The following TMTC1 variants were observed in gnomAD, a reference collection of about 807,000 sequenced individuals.
The protein encoded by TMTC1 is protein O-mannosyl-transferase TMTC1.
TMTC1 carries 73 observed loss-of-function variants against 104.8 expected under a neutral mutation model. The observed-to-expected ratio is 0.70, with a 90% CI of 0.58 to 0.85. The LOEUF (loss-of-function observed/expected upper bound fraction) is 0.85, where lower values mean the gene tolerates loss of function less well. Ranked by LOEUF, TMTC1 falls within the 40% of genes least tolerant of loss-of-function variation. TMTC1 has a pLI of 0.00. For synonymous variants in TMTC1, 434 were observed against 428.7 expected (o/e 1.01, Z -0.15); for missense variants, 1,035 against 1,096.1 (o/e 0.94, Z 0.79).
chr12:29,514,950 C>G (rs1003463928), intron 15 of TMTC1, among the ~76,000 whole-genome samples: 2 of 151,874 alleles, frequency 1.3e-5, no homozygotes, highest in Non-Finnish European at 2.9e-5. Context: ...GGGAGGTGGA[C>G]CTTGTAGTGA....
At chr12:29,685,187 A>C (rs987270647) in intron 5 of TMTC1, among the ~76,000 whole-genome samples, 2 of 152,110 alleles carry the variant, frequency 1.3e-5, no homozygotes, top group Admixed American at 1.3e-4. Flanking sequence ...CAGCAGCAAA[A>C]TAAATTAACC....
intron 8 of TMTC1, among the ~76,000 whole-genome samples, chr12:29,578,676 T>G (rs1459366894): frequency 6.6e-6 from 1 of 152,178 alleles, no homozygotes; most frequent in Non-Finnish European, 1.5e-5. Context: ...AAAAGCTACT[T>G]TAATCAGGTG....
rs538695173 is a variant in TMTC1 at position 29,506,020 on chromosome 12, AT to A, written c.*825del. ...TTTAATTTTTTATGTAGAATATACT[AT>A]TTTTTTCTCCACCAAAATAACAATA... On this transcript the variant is annotated 3_prime_UTR_variant, in exon 18 of 18. Transcript: ENST00000539277. The A allele has an allele frequency of 5.9e-5, 9 of 152,144 alleles. No individual in the cohort carries two copies. The highest frequency in any genetic ancestry group is 2.0e-4 in the Admixed American group (3 of 15,278). 9.4% of individuals were successfully genotyped at this position (152,144 alleles called of 1,614,324 possible). A position where few individuals can be genotyped will look rare whatever the true frequency, so the allele number is the denominator to read the frequency against.
chr12:29,659,135 TGATATCCA>T (rs1322514573), intron 5 of TMTC1, among the ~76,000 whole-genome samples: 1 of 152,266 alleles, frequency 6.6e-6, no homozygotes, highest in East Asian at 1.9e-4. Context: ...CAAATGGTTA[TGATATCCA>T]GTCAACCTCT....
Position 29,504,660 on chromosome 12 carries a change from T to C in TMTC1, c.*2186A>G, listed in dbSNP as rs1360022170. 3 of 152,180 alleles carry C rather than the reference T, an allele frequency of 2.0e-5. No individual in the cohort carries two copies. Among genetic ancestry groups the C allele is most frequent in the African/African-American group, 7.2e-5 (3 of 41,448 alleles). 9.4% of individuals were successfully genotyped at this position (152,180 alleles called of 1,614,324 possible). ...CACCTACAGGAGGCAGAGAGTTTCCTGAAGGTCATGTGATCCTTTACCCTC... is the reference window on the plus strand; with the variant it reads ...CACCTACAGGAGGCAGAGAGTTTCCCGAAGGTCATGTGATCCTTTACCCTC... On this transcript the variant is annotated 3_prime_UTR_variant, in exon 18 of 18. Coordinates refer to ENST00000539277, the MANE Select transcript of TMTC1 (RefSeq NM_001193451.2).
intron 5 of TMTC1, among the ~76,000 whole-genome samples, chr12:29,689,359 G>C (rs1313126260): frequency 6.6e-6 from 1 of 151,922 alleles, no homozygotes; most frequent in Admixed American, 6.6e-5. Context: ...CTGTTGCCGA[G>C]GCTGGAGTGC....
At chr12:29,695,801 A>ATATATATATATATATATATATT (rs1941404087) in intron 5 of TMTC1, among the ~76,000 whole-genome samples, 1 of 49,464 alleles carries the variant, frequency 2.0e-5, no homozygotes, top group Non-Finnish European at 3.2e-5. Context: ...TTTTATATAT[A>ATATATATATATATATATATATT]TATATATATA....
chr12:29,672,502 A>C (rs1174931947), intron 5 of TMTC1, among the ~76,000 whole-genome samples: 2 of 152,068 alleles, frequency 1.3e-5, no homozygotes, highest in African/African-American at 4.8e-5. Context: ...TCCCACCTTT[A>C]TACTGGAACA....
At chr12:29,687,252 G>A (rs370837313) in intron 5 of TMTC1, among the ~76,000 whole-genome samples, 13 of 152,266 alleles carry the variant, frequency 8.5e-5, no homozygotes, top group African/African-American at 3.1e-4. Flanking sequence ...TTAACATGAT[G>A]AGTAGTGGAC....
At chr12:29,629,245 C>T (rs1319676027) in intron 6 of TMTC1, among the ~76,000 whole-genome samples, 3 of 151,458 alleles carry the variant, frequency 2.0e-5, no homozygotes, top group East Asian at 2.0e-4. Flanking sequence ...GGCGTGAACC[C>T]GGGAGGTGGA....
intron 11 of TMTC1, among the ~76,000 whole-genome samples, chr12:29,527,665 C>T (rs1944387446): frequency 6.6e-6 from 1 of 152,222 alleles, no homozygotes; most frequent in African/African-American, 2.4e-5. Context: ...GATGTCCTCA[C>T]AGTCTCAGCT....
chr12:29,619,694 C>A (rs189488315), intron 6 of TMTC1, among the ~76,000 whole-genome samples: 1 of 152,202 alleles, frequency 6.6e-6, no homozygotes, highest in Non-Finnish European at 1.5e-5. Flanking sequence ...AAGTCTGGAG[C>A]TTTAGGTGAT....
At chr12:29,608,581 A>C (rs1288781123) in intron 6 of TMTC1, among the ~76,000 whole-genome samples, 2 of 152,250 alleles carry the variant, frequency 1.3e-5, no homozygotes, top group East Asian at 1.9e-4. Context: ...AAGAAAAGGA[A>C]TTGATACCTA....
At chr12:29,562,415 C>T (rs1281328097) in intron 9 of TMTC1, among the ~76,000 whole-genome samples, 1 of 152,154 alleles carries the variant, frequency 6.6e-6, no homozygotes, top group Non-Finnish European at 1.5e-5. Flanking sequence ...CTCTTGAGTG[C>T]CCTTAGGAAA....
chr12:29,639,902 G>A (rs996617498), intron 5 of TMTC1, among the ~76,000 whole-genome samples: 3 of 152,158 alleles, frequency 2.0e-5, no homozygotes, highest in Non-Finnish European at 4.4e-5. Context: ...TATAGACAAC[G>A]ATATATGACT....
At chr12:29,541,345 G>A (rs1006323473) in intron 10 of TMTC1, among the ~76,000 whole-genome samples, 2 of 152,152 alleles carry the variant, frequency 1.3e-5, no homozygotes, top group Admixed American at 6.5e-5. Context: ...AAGGACTGGC[G>A]TCTCACTCTA....
intron 7 of TMTC1, among the ~76,000 whole-genome samples, chr12:29,597,867 TATC>T (rs1368610627): frequency 6.6e-6 from 1 of 152,202 alleles, no homozygotes; most frequent in Non-Finnish European, 1.5e-5. Flanking sequence ...CTGCTGCTCT[TATC>T]ATCATGACAA....
intron 5 of TMTC1, among the ~76,000 whole-genome samples, chr12:29,696,640 A>G (rs999551830): frequency 4.6e-5 from 7 of 152,206 alleles, no homozygotes; most frequent in Non-Finnish European, 8.8e-5. Flanking sequence ...TGTTTTATCA[A>G]GCTACGGTTC....
chr12:29,771,259 A>G (rs1330806034), intron 1 of TMTC1, among the ~76,000 whole-genome samples: 1 of 152,210 alleles, frequency 6.6e-6, no homozygotes, highest in Non-Finnish European at 1.5e-5. Flanking sequence ...TTGTTAGCTA[A>G]TTCTAACAGG....
Sources: allele counts gnomAD v4.1 joint callset (sites outside exome capture counted in the v4.1 genomes callset), GRCh38; gene constraint gnomAD v4.1.1; transcripts MANE v1.5; gene names NCBI Gene and HGNC (gene_info 2026-07-23, HGNC 2026-07-21).